The following CDH7 variants were observed in gnomAD, a reference collection of about 807,000 sequenced individuals.
The protein encoded by CDH7 is cadherin-7.
CDH7 carries 25 observed loss-of-function variants against 71.8 expected under a neutral mutation model. That is an observed-to-expected ratio of 0.35 (90% CI 0.25 to 0.49). The LOEUF (loss-of-function observed/expected upper bound fraction) is 0.49. Ranked by LOEUF, CDH7 falls within the 20% of genes least tolerant of loss-of-function variation. The probability of loss-of-function intolerance (pLI) is 0.99; values close to 1 mark genes in which losing one functional copy is unlikely to be tolerated. For missense variants in CDH7, 862 were observed against 974.6 expected (o/e 0.88, Z 1.54); for synonymous variants, 381 against 363.8 (o/e 1.05, Z -0.54).
At position 65,751,113 on chromosome 18, in the gene CDH7, T is replaced by A. The variant is rs1915860763; in HGVS notation, c.-234T>A. ...TTTCGGATGCACACGCCCGGGTCCC[T>A]GGCGTCTGACGCCGTGGGGAGGGCA... On this transcript the variant is annotated 5_prime_UTR_variant, in exon 1 of 12. Transcript: ENST00000397968. 6.6e-6 allele frequency: 1 copy of A among 152,330 alleles called. No individual in the cohort carries two copies. The highest frequency in any genetic ancestry group is 1.5e-5 in the Non-Finnish European group (1 of 68,134). 9.4% of individuals were successfully genotyped at this position (152,330 alleles called of 1,614,324 possible). A position where few individuals can be genotyped will look rare whatever the true frequency, so the allele number is the denominator to read the frequency against.
chr18:65,779,076 TTG>T (rs1910076582), intron 2 of CDH7, among the ~76,000 whole-genome samples: 1 of 145,196 alleles, frequency 6.9e-6, no homozygotes, highest in Non-Finnish European at 1.5e-5. Context: ...CACTGTTTGT[TTG>T]TTTGTTTTTT....
chr18:65,822,434 A>G (rs1335337542), intron 5 of CDH7, among the ~76,000 whole-genome samples, 186 bp downstream of exon 5: 1 of 152,114 alleles, frequency 6.6e-6, no homozygotes, highest in Non-Finnish European at 1.5e-5. Context: ...GGGTATTGAG[A>G]AGAAATAGAA....
In CDH7 at chr18:65,857,882, C is replaced by T. The variant is rs1256184442; in HGVS notation, c.1302C>T (p.Ile434=). ...ATATTGATGCCAACAGTGGGGTCATCACAACTGCCAAGTCTTTGGATCGAG... is the reference window on the plus strand; with the variant it reads ...ATATTGATGCCAACAGTGGGGTCATTACAACTGCCAAGTCTTTGGATCGAG... ...YFNIDANSGV[I]TTAKSLDRET... is the part of the protein sequence containing the mutation. Residue 434 remains isoleucine, a synonymous_variant, in exon 8 of 12, where the codon ATC becomes ATT. Transcript: ENST00000397968. 1 of 1,613,520 alleles carries T rather than the reference C, an allele frequency of 6.2e-7. No homozygotes were observed. The highest frequency in any genetic ancestry group is 2.2e-5 in the East Asian group (1 of 44,838).
intron 6 of CDH7, among the ~76,000 whole-genome samples, chr18:65,832,341 A>C (rs1384457180): frequency 6.6e-6 from 1 of 152,094 alleles, no homozygotes. Context: ...AGCAGAAAAA[A>C]ATCCTTTTTA....
intron 6 of CDH7, among the ~76,000 whole-genome samples, chr18:65,835,668 G>T (rs369501062): frequency 1.3e-5 from 2 of 152,170 alleles, no homozygotes; most frequent in African/African-American, 4.8e-5. Context: ...GCGTAGTAAG[G>T]GAATTGGCCT....
intron 2 of CDH7, among the ~76,000 whole-genome samples, chr18:65,796,467 T>C (rs80089555): frequency 0.033 from 5,089 of 152,284 alleles, 284 homozygotes; most frequent in African/African-American, 0.12. Flanking sequence ...CCATGCCTTG[T>C]GCAGTTCCTG....
intron 11 of CDH7, among the ~76,000 whole-genome samples, chr18:65,864,951 C>A (rs2587406): frequency 0.15 from 21,312 of 145,168 alleles, 3,184 homozygotes; most frequent in African/African-American, 0.39. Context: ...CTTGAAGGCA[C>A]AGAATGAGAA....
intron 2 of CDH7, among the ~76,000 whole-genome samples, chr18:65,789,291 G>T (rs1245708226): frequency 6.6e-6 from 1 of 152,118 alleles, no homozygotes; most frequent in Non-Finnish European, 1.5e-5. Context: ...TGGGACTAGA[G>T]AAAAAGATAG....
Position 65,880,572 on chromosome 18 carries a change from A to T in CDH7, c.2036A>T (p.Asp679Val). ...CTGAGAAACCTCAACGTCATCCGAG[A>T]CACCAAGACCCGGAGGGATGTGACT... ...AALRNLNVIRDTKTRRDVTPE... is the reference protein window; with the variant it reads ...AALRNLNVIRVTKTRRDVTPE... The change falls in exon 12 of 12, where the codon GAC becomes GTC. Residue 679 changes from aspartate to valine, a missense_variant. By Grantham distance (152) the Asp-to-Val change is radical (BLOSUM62 -3). Transcript: ENST00000397968. 1 of 1,613,868 alleles carries T rather than the reference A, an allele frequency of 6.2e-7. No homozygotes were observed. The highest frequency in any genetic ancestry group is 2.2e-5 in the East Asian group (1 of 44,878).
intron 4 of CDH7, among the ~76,000 whole-genome samples, chr18:65,821,343 A>C (rs989186150): frequency 6.6e-6 from 1 of 152,090 alleles, no homozygotes; most frequent in Non-Finnish European, 1.5e-5. Context: ...TACCACCTGG[A>C]CCTAATTTGT....
chr18:65,808,460 G>GTTA (rs1234808329), intron 2 of CDH7, among the ~76,000 whole-genome samples: 1 of 152,100 alleles, frequency 6.6e-6, no homozygotes, highest in Non-Finnish European at 1.5e-5. Context: ...ACTGAAAAAA[G>GTTA]TTAAATTATA....
intron 2 of CDH7, among the ~76,000 whole-genome samples, chr18:65,771,502 TAAAA>T (rs1198740907): frequency 1.3e-5 from 2 of 151,192 alleles, no homozygotes; most frequent in Non-Finnish European, 3.0e-5. Flanking sequence ...AAAATAAAAA[TAAAA>T]AACAAACAAA....
intron 11 of CDH7, among the ~76,000 whole-genome samples, chr18:65,868,441 G>T (rs1351882153): frequency 6.6e-6 from 1 of 152,198 alleles, no homozygotes; most frequent in Admixed American, 6.5e-5. Flanking sequence ...AGGGAAGCCT[G>T]CCTCCTAAAT....
chr18:65,757,040 A>G (rs1916049113), intron 1 of CDH7, among the ~76,000 whole-genome samples: 1 of 134,364 alleles, frequency 7.4e-6, no homozygotes. Context: ...GCTAATGCAT[A>G]ACAGTTTTTT....
At chr18:65,853,914 T>TATATATATATATATATATATCC (rs1913238877) in intron 7 of CDH7, among the ~76,000 whole-genome samples, 2 of 47,806 alleles carry the variant, frequency 4.2e-5, no homozygotes, top group African/African-American at 2.7e-4. Flanking sequence ...ACCATATATA[T>TATATATATATATATATATATCC]ATATATATAT....
intron 4 of CDH7, among the ~76,000 whole-genome samples, chr18:65,818,836 A>AT (rs143278627): frequency 0.014 from 2,192 of 152,208 alleles, 41 homozygotes; most frequent in African/African-American, 0.049. Flanking sequence ...ATTTTAAATG[A>AT]TTTTTTTGCT....
In CDH7 at chr18:65,883,862, A is replaced by G. The variant is rs183858998; in HGVS notation, c.*2968A>G. 1.3e-5 allele frequency: 2 copies of G among 152,282 alleles called. No individual in the cohort carries two copies. The highest frequency in any genetic ancestry group is 2.9e-5 in the Non-Finnish European group (2 of 67,990). 9.4% of individuals were successfully genotyped at this position (152,282 alleles called of 1,614,324 possible). On this transcript the variant is annotated 3_prime_UTR_variant, in exon 12 of 12. Coordinates refer to ENST00000397968, the MANE Select transcript of CDH7 (RefSeq NM_004361.5). ...CTAAATAACAATGTATGTGGTAGTG[A>G]TTTCCTGAAGTGAAATCCTTGGAGC...
intron 1 of CDH7, among the ~76,000 whole-genome samples, chr18:65,753,882 TA>T (rs1393704946): frequency 6.6e-6 from 1 of 152,222 alleles, no homozygotes; most frequent in Non-Finnish European, 1.5e-5. Flanking sequence ...TTTCAGATTA[TA>T]GTATAGATTT....
intron 2 of CDH7, among the ~76,000 whole-genome samples, chr18:65,775,152 G>T (rs1329282538): frequency 6.6e-6 from 1 of 152,056 alleles, no homozygotes; most frequent in African/African-American, 2.4e-5. Context: ...ATTGTCTTTG[G>T]CTATGTTACC....
Sources: allele counts gnomAD v4.1 joint callset (sites outside exome capture counted in the v4.1 genomes callset), GRCh38; gene constraint gnomAD v4.1.1; transcripts MANE v1.5; gene names NCBI Gene and HGNC (gene_info 2026-07-23, HGNC 2026-07-21).